Variants in PCDHGA1 observed in about 807,000 individuals in gnomAD.
PCDHGA1 encodes protocadherin gamma subfamily A, 1.
PCDHGA1 carries 32 observed loss-of-function variants against 58.0 expected under a neutral mutation model. The observed-to-expected ratio is 0.55, with a 90% CI of 0.42 to 0.74. PCDHGA1 has a LOEUF of 0.74. PCDHGA1 is among the 30% of genes least tolerant of loss of function. The pLI is 0.00. For missense variants in PCDHGA1, 1,205 were observed against 1,182.3 expected (o/e 1.02, Z -0.28); for synonymous variants, 498 against 501.1 (o/e 0.99, Z 0.08).
chr5:141,476,613 G>T lies in PCDHGA1; in HGVS notation c.2422-18194G>T. On this transcript the variant is annotated intron_variant, in intron 1 of 3. Coordinates refer to ENST00000517417, the MANE Select transcript of PCDHGA1 (RefSeq NM_018912.3). The surrounding 1 kb of genome is among the most constrained non-coding windows in gnomAD (Gnocchi z 7.6). ...AGCGCGCACGATCCCGATGTGGGAA[G>T]CAACTCTTTACAAACCTATGAGCTG... 2 of 1,614,266 alleles carry T rather than the reference G, an allele frequency of 1.2e-6. No homozygotes were observed. The highest frequency in any genetic ancestry group is 2.7e-5 in the African/African-American group (2 of 75,078).
intron 1 of PCDHGA1, chr5:141,399,663 G>A: frequency 6.2e-7 from 1 of 1,613,624 alleles, no homozygotes; most frequent in Non-Finnish European, 8.5e-7. Flanking sequence ...TGGTGTTCGC[G>A]CAGCGCGCCT....
In PCDHGA1 at chr5:141,419,703, G is replaced by C. The variant is rs2096418539; in HGVS notation, c.2422-75104G>C. 1 of 1,612,946 alleles carries C rather than the reference G, an allele frequency of 6.2e-7. No individual in the cohort carries two copies. The highest frequency in any genetic ancestry group is 1.3e-5 in the African/African-American group (1 of 74,946). The stretch of plus-strand genomic sequence containing the variant: ...CACGTGGTGCAGGCCAGTGAGCCCG[G>C]GCTCTTCAGCCTGGGGCTGCGAACA... On this transcript the variant is annotated intron_variant, in intron 1 of 3. Coordinates refer to ENST00000517417, the MANE Select transcript of PCDHGA1 (RefSeq NM_018912.3).
At chr5:141,419,946 T>C in intron 1 of PCDHGA1, 1 of 1,614,086 alleles carries the variant, frequency 6.2e-7, no homozygotes, top group Non-Finnish European at 8.5e-7. Context: ...GTGGTGGCCT[T>C]GGCCTTGATT....
chr5:141,434,621 G>A (rs980508411), intron 1 of PCDHGA1, among the ~76,000 whole-genome samples: 1 of 151,966 alleles, frequency 6.6e-6, no homozygotes, highest in Non-Finnish European at 1.5e-5. Flanking sequence ...CCATCTCTTC[G>A]TTTCCCATAA....
At chr5:141,470,508 G>A (rs947583701) in intron 1 of PCDHGA1, among the ~76,000 whole-genome samples, 10 of 152,176 alleles carry the variant, frequency 6.6e-5, no homozygotes, top group African/African-American at 2.4e-4. Flanking sequence ...TAATTAGACA[G>A]TTAGCTAATA....
At position 141,476,518 on chromosome 5, in the gene PCDHGA1, T is replaced by C; in HGVS notation, c.2422-18289T>C. 1 of 1,614,214 alleles carries C rather than the reference T, an allele frequency of 6.2e-7. No individual in the cohort carries two copies. Among genetic ancestry groups the C allele is most frequent in the Non-Finnish European group, 8.5e-7 (1 of 1,180,038 alleles). ...AGGACATCAACGACAACAATCCTGC[T>C]TTCCCTACCCAGGAAATGAAATTGG... is the stretch of plus-strand genomic sequence containing the variant. On this transcript the variant is annotated intron_variant, in intron 1 of 3. Transcript: ENST00000517417. This position sits in a 1 kb window ranked among gnomAD's most constrained non-coding sequence, Gnocchi z 7.6.
rs1233148754 is a variant in PCDHGA1, at chr5:141,428,157, T to A, written c.2422-66650T>A. ...CCTGGGGCTGCACACGGGAACCTGC[T>A]GGTTGCTGTGCGTGACGGAGGACAG... On this transcript the variant is annotated intron_variant, in intron 1 of 3. Coordinates refer to ENST00000517417, the MANE Select transcript of PCDHGA1 (RefSeq NM_018912.3). The A allele has an allele frequency of 4.4e-6, 7 of 1,575,024 alleles. No individual in the cohort carries two copies. The East Asian group carries it at 1.6e-4, about 35-fold the overall frequency.
intron 2 of PCDHGA1, among the ~76,000 whole-genome samples, chr5:141,500,027 G>C (rs1458308566): frequency 6.6e-6 from 1 of 151,808 alleles, no homozygotes; most frequent in Non-Finnish European, 1.5e-5. Flanking sequence ...ATATTTGAGT[G>C]AGTGTCTCTT....
chr5:141,476,551 C>A lies in PCDHGA1; in HGVS notation c.2422-18256C>A, dbSNP rs367700651. 6.2e-7 allele frequency: 1 copy of A among 1,614,196 alleles called. No individual in the cohort carries two copies. The highest frequency in any genetic ancestry group is 1.7e-5 in the Admixed American group (1 of 60,028). ...CCCAGGAAATGAAATTGGAGATTAG[C>A]GAGGCCGTGGCTCCGGGGACGCGCT... On this transcript the variant is annotated intron_variant, in intron 1 of 3. Transcript: ENST00000517417. This position sits in a 1 kb window ranked among gnomAD's most constrained non-coding sequence, Gnocchi z 7.6.
In PCDHGA1 at chr5:141,330,902, C is replaced by A. The variant is rs751174886; in HGVS notation, c.218C>A (p.Pro73Gln). 6.2e-7 allele frequency: 1 copy of A among 1,614,190 alleles called. No individual in the cohort carries two copies. Among genetic ancestry groups the A allele is most frequent in the Non-Finnish European group, 8.5e-7 (1 of 1,180,036 alleles). ...CGCATCGTCTCCAGAGGTAGGATGCCGCTTTTCGCTCTGAATCCTAGAAGT... is the reference window on the plus strand; with the variant it reads ...CGCATCGTCTCCAGAGGTAGGATGCAGCTTTTCGCTCTGAATCCTAGAAGT... ...GVRIVSRGRM[P>Q]LFALNPRSGS... Residue 73 changes from proline to glutamine, a missense_variant, in exon 1 of 4, where the codon CCG (proline) becomes CAG (glutamine). Pro to Gln is a moderately conservative substitution (Grantham distance 76). Transcript: ENST00000517417.
intron 1 of PCDHGA1, among the ~76,000 whole-genome samples, chr5:141,447,761 T>C (rs2098551051): frequency 1.3e-5 from 2 of 152,186 alleles, no homozygotes; most frequent in African/African-American, 4.8e-5. Context: ...TGACTGTATA[T>C]AAATTATACT....
chr5:141,348,858 T>A (rs959514515), intron 1 of PCDHGA1, among the ~76,000 whole-genome samples: 1 of 152,088 alleles, frequency 6.6e-6, no homozygotes, highest in Non-Finnish European at 1.5e-5. Flanking sequence ...TGCAAAATAG[T>A]AGAATAAATT....
chr5:141,434,564 A>C (rs2097703207), intron 1 of PCDHGA1, among the ~76,000 whole-genome samples: 1 of 152,228 alleles, frequency 6.6e-6, no homozygotes, highest in Admixed American at 6.5e-5. Context: ...CCTTAAGGAC[A>C]TGCCCCTGCT....
intron 1 of PCDHGA1, chr5:141,364,789 G>T (rs1358031910): frequency 1.9e-6 from 3 of 1,614,036 alleles, no homozygotes; most frequent in East Asian, 4.5e-5. Flanking sequence ...CACGGTTAGT[G>T]CTTCCCTTCG....
intron 1 of PCDHGA1, chr5:141,371,956 A>C: frequency 6.2e-7 from 1 of 1,613,272 alleles, no homozygotes; most frequent in Non-Finnish European, 8.5e-7. Flanking sequence ...CGAGCCTTCG[A>C]CCACGAGCAG....
intron 2 of PCDHGA1, among the ~76,000 whole-genome samples, chr5:141,505,119 G>A (rs371973470): frequency 3.1e-4 from 47 of 152,210 alleles, no homozygotes; most frequent in African/African-American, 1.0e-3. Flanking sequence ...CCAAGATCGC[G>A]CCACTGCACT....
At chr5:141,455,075 G>A (rs1050636999) in intron 1 of PCDHGA1, among the ~76,000 whole-genome samples, 2 of 151,830 alleles carry the variant, frequency 1.3e-5, no homozygotes, top group African/African-American at 4.8e-5. Context: ...GCCTCCCAAA[G>A]TGCTGGGATT....
chr5:141,339,186 C>G (rs751718275), intron 1 of PCDHGA1: 1 of 1,614,002 alleles, frequency 6.2e-7, no homozygotes, highest in Non-Finnish European at 8.5e-7. Context: ...AGAGGTAGGT[C>G]CCAGCTCTTT....
chr5:141,395,341 G>C, intron 1 of PCDHGA1: 1 of 1,409,696 alleles, frequency 7.1e-7, no homozygotes. Context: ...AATTTTTAAG[G>C]TGTATCACAG....
Sources: allele counts gnomAD v4.1 joint callset (sites outside exome capture counted in the v4.1 genomes callset), GRCh38; gene constraint gnomAD v4.1.1; non-coding constraint Gnocchi (gnomAD v3.1); transcripts MANE v1.5; gene names NCBI Gene and HGNC (gene_info 2026-07-23, HGNC 2026-07-21).